ABCA10: variants seen among roughly 807,000 people sequenced by gnomAD.
ABCA10 encodes ATP-binding cassette sub-family A member 10.
Under a neutral mutation model 187.5 loss-of-function variants are expected in ABCA10, and 169 were observed. That is an observed-to-expected ratio of 0.90 (90% CI 0.80 to 1.02). The LOEUF (loss-of-function observed/expected upper bound fraction) is 1.02. ABCA10 is among the 50% of genes least tolerant of loss of function. ABCA10 has a pLI of 0.00. For missense variants in ABCA10, 1,727 were observed against 1,812.4 expected, an observed-to-expected ratio of 0.95 and a Z score of 0.86; for synonymous variants, 574 against 601.8, an observed-to-expected ratio of 0.95 and a Z score of 0.68.
chr17:69,185,416 T>G, intron 20 of ABCA10, 61 bp downstream of exon 20: 1 of 1,516,504 alleles, frequency 6.6e-7, no homozygotes, highest in East Asian at 2.3e-5. Flanking sequence ...CTCTCAGGTA[T>G]GTGCTTTCTA....
At chr17:69,223,855 A>G (rs1429536266) in intron 3 of ABCA10, 2 of 272,824 alleles carry the variant, frequency 7.3e-6, no homozygotes, top group Non-Finnish European at 1.5e-5. Context: ...TATTTTATAT[A>G]AGAAAGAGAC....
intron 20 of ABCA10, among the ~76,000 whole-genome samples, chr17:69,184,873 A>G (rs530351947): frequency 0.029 from 4,189 of 145,708 alleles, 193 homozygotes; most frequent in African/African-American, 0.1. Context: ...GTGTGTGTGT[A>G]TATATATACA....
In ABCA10 at chr17:69,193,547, A is replaced by G. The variant is rs771203082; in HGVS notation, c.1587T>C (p.Ser529=). Residue 529 remains serine (S), a synonymous_variant, in exon 14 of 39, where the codon AGT becomes AGC. Transcript: ENST00000690296. ...SIQDIIAKKL[S]GGQKRKLTLG... ...GTGTTAGTTTTCTCTTCTGCCCACC[A>G]CTTAATTTTTTAGCAATAATGTCTT... is the stretch of plus-strand genomic sequence containing the variant. 3 of 1,613,334 alleles carry G rather than the reference A, an allele frequency of 1.9e-6. No individual in the cohort carries two copies. Among genetic ancestry groups the G allele is most frequent in the Non-Finnish European group, 2.5e-6 (3 of 1,179,638 alleles).
intron 1 of ABCA10, among the ~76,000 whole-genome samples, chr17:69,236,935 C>T (rs1476573008): frequency 6.6e-6 from 1 of 152,160 alleles, no homozygotes; most frequent in Non-Finnish European, 1.5e-5. Context: ...CTGTATTAAA[C>T]AATAGCAAAT....
chr17:69,240,513 G>A lies in ABCA10; in HGVS notation c.-593+4016C>T, dbSNP rs570394133. On this transcript the variant is annotated intron_variant, in intron 1 of 39. Coordinates refer to the ABCA10 transcript ENST00000269081. Reference sequence around the variant, plus strand: ...TCTATGGTCCCAGAATAGAGGAAATGGAGGGTTTGGAGTGGCTAACCTAGT... The same window carrying A: ...TCTATGGTCCCAGAATAGAGGAAATAGAGGGTTTGGAGTGGCTAACCTAGT... Among the ~76,000 whole-genome samples, 5 of 152,328 alleles carry A rather than the reference G, an allele frequency of 3.3e-5. No homozygotes were observed. The South Asian group carries it at 1.0e-3, about 32-fold the overall frequency.
At chr17:69,233,021 TTATAA>T (rs1328134030), upstream of ABCA10, 10 of 152,180 alleles carry the variant, frequency 6.6e-5, no homozygotes, top group Admixed American at 5.2e-4. Context: ...CAAAGTTTGA[TTATAA>T]TATATCTTGG....
Position 69,193,624 on chromosome 17 carries a change from A to C in ABCA10, c.1522-12T>G, listed in dbSNP as rs1232122456. 6.3e-7 allele frequency: 1 copy of C among 1,593,762 alleles called. No individual in the cohort carries two copies. The highest frequency in any genetic ancestry group is 8.6e-7 in the Non-Finnish European group (1 of 1,168,434). On this transcript the variant is annotated splice_polypyrimidine_tract_variant and intron_variant, in intron 13 of 38. Transcript: ENST00000690296. ...ATAATTCTTTTTACCTATCAAAGAA[A>C]ACTCTGTGTTAACAATATCAAATAT...
intron 36 of ABCA10, 73 bp downstream of exon 36, chr17:69,151,970 C>G (rs939955266): frequency 6.5e-7 from 1 of 1,540,878 alleles, no homozygotes; most frequent in Non-Finnish European, 8.7e-7. Flanking sequence ...CCGGTTTAGA[C>G]TAGCACAAAA....
At position 69,187,100 on chromosome 17, in the gene ABCA10, G is replaced by GA. The variant is rs1045244717; in HGVS notation, c.2330+580dup. 4.3e-4 allele frequency among the ~76,000 whole-genome samples: 62 copies of GA among 145,508 alleles called. 1 individual carries two copies. The highest frequency in any genetic ancestry group is 3.8e-3 in the East Asian group (19 of 5,048). ...TTTGTAGGGTGTCAGATTGAAAGAAGAAAAAAAAAAGAAACAATTTGCTGA... is the reference window on the plus strand; with the variant it reads ...TTTGTAGGGTGTCAGATTGAAAGAAGAAAAAAAAAAAGAAACAATTTGCTGA... On this transcript the variant is annotated intron_variant, in intron 19 of 38. Transcript: ENST00000690296.
At chr17:69,222,088 C>T (rs2074753017) in intron 4 of ABCA10, among the ~76,000 whole-genome samples, 193 bp from the exon 5 acceptor site, 1 of 152,144 alleles carries the variant, frequency 6.6e-6, no homozygotes, top group African/African-American at 2.4e-5. Flanking sequence ...GGGGCAGTGG[C>T]TCATGCCTGT....
rs1398190291 is a variant in ABCA10 at position 69,227,218 on chromosome 17, G to A, written c.-245C>T. On this transcript the variant is annotated 5_prime_UTR_variant, in exon 2 of 39. Transcript: ENST00000690296. ...GAAGAGCCTGAATTTGTTGACGCAC[G>A]CTTATCTCTTTTTTAACCATTTTGT... 6.7e-6 allele frequency: 1 copy of A among 149,476 alleles called. No homozygotes were observed. The highest frequency in any genetic ancestry group is 1.5e-5 in the Non-Finnish European group (1 of 67,200). The allele number at this position is 149,476 out of a possible 1,614,324, so 9.3% of individuals were successfully genotyped here. A position where few individuals can be genotyped will look rare whatever the true frequency, so the allele number is the denominator to read the frequency against.
At chr17:69,198,387 G>A (rs1010692609) in intron 10 of ABCA10, among the ~76,000 whole-genome samples, 4 of 152,152 alleles carry the variant, frequency 2.6e-5, no homozygotes, top group Non-Finnish European at 5.9e-5. Flanking sequence ...TTGCTAATGA[G>A]AAGAACTTGG....
At chr17:69,235,598 C>T (rs2074863265) in intron 1 of ABCA10, among the ~76,000 whole-genome samples, 1 of 152,070 alleles carries the variant, frequency 6.6e-6, no homozygotes, top group Non-Finnish European at 1.5e-5. Flanking sequence ...GGCCTTACCC[C>T]ACCCCTTTCT....
intron 27 of ABCA10, among the ~76,000 whole-genome samples, chr17:69,157,828 T>G (rs570428014): frequency 6.6e-6 from 1 of 152,144 alleles, no homozygotes; most frequent in East Asian, 1.9e-4. Flanking sequence ...AAATGAATTT[T>G]AGATGATTGA....
chr17:69,236,310 T>C (rs1282964558), intron 1 of ABCA10, among the ~76,000 whole-genome samples: 2 of 152,130 alleles, frequency 1.3e-5, no homozygotes, highest in African/African-American at 4.8e-5. Context: ...GGGAACCCCA[T>C]TGAGAAATGA....
At chr17:69,203,841 C>A (rs1433031450) in intron 9 of ABCA10, among the ~76,000 whole-genome samples, 1 of 152,098 alleles carries the variant, frequency 6.6e-6, no homozygotes, top group Non-Finnish European at 1.5e-5. Context: ...ACCATCACTG[C>A]AAAAATAAAA....
At chr17:69,231,231 C>G (rs549862996), upstream of ABCA10, among the ~76,000 whole-genome samples, 7 of 152,238 alleles carry the variant, frequency 4.6e-5, no homozygotes, top group African/African-American at 1.7e-4. Context: ...TCTGTGTTGT[C>G]ATTACGTGGC....
chr17:69,209,324 GAATTC>G (rs61640171), intron 9 of ABCA10, among the ~76,000 whole-genome samples: 82,038 of 151,334 alleles, frequency 0.54, 24,111 homozygotes, highest in Non-Finnish European at 0.67. Context: ...TCTAATTAGA[GAATTC>G]AATTCATTTC....
chr17:69,221,122 T>TA (rs1568074185), intron 5 of ABCA10, among the ~76,000 whole-genome samples: 1 of 151,984 alleles, frequency 6.6e-6, no homozygotes, highest in African/African-American at 2.4e-5. Flanking sequence ...TAAGGGGAGA[T>TA]AAGTTGGCAA....
Sources: allele counts gnomAD v4.1 joint callset (sites outside exome capture counted in the v4.1 genomes callset), GRCh38; gene constraint gnomAD v4.1.1; transcripts MANE v1.5; gene names NCBI Gene and HGNC (gene_info 2026-07-23, HGNC 2026-07-21).